CELSR1: variants seen among roughly 807,000 people sequenced by gnomAD.
CELSR1 encodes the protein cadherin EGF LAG seven-pass G-type receptor 1, also known as adhesion G protein-coupled receptor C1.
CELSR1 carries 110 observed loss-of-function variants against 249.1 expected under a neutral mutation model. The observed-to-expected ratio is 0.44, with a 90% CI of 0.38 to 0.52. CELSR1 has a LOEUF of 0.52. CELSR1 is among the 20% of genes least tolerant of loss of function. The pLI is 0.00. For synonymous variants in CELSR1, 2,113 were observed against 1,900.0 expected (o/e 1.11, Z -2.92); for missense variants, 4,109 against 4,296.4 (o/e 0.96, Z 1.22).
At chr22:46,483,450 G>A (rs949902073) in intron 1 of CELSR1, among the ~76,000 whole-genome samples, 1 of 140,702 alleles carries the variant, frequency 7.1e-6, no homozygotes, top group African/African-American at 2.7e-5. Flanking sequence ...GGAGTGCAGT[G>A]GCAGCCCACA....
chr22:46,424,452 A>G (rs1427066459), intron 5 of CELSR1, among the ~76,000 whole-genome samples: 4 of 152,162 alleles, frequency 2.6e-5, no homozygotes, highest in Non-Finnish European at 4.4e-5. Context: ...ACAATAATAC[A>G]GAGATATCCC....
In CELSR1 at chr22:46,447,957, G is replaced by A. The variant is rs1433814609; in HGVS notation, c.4184-8546C>T. ...TTAACGGCAAAAGAAAAGCTCCCAG[G>A]AGCCAAGGCCCATCCAGCCCTCATG... On this transcript the variant is annotated intron_variant, in intron 2 of 34. Coordinates refer to ENST00000674500, the MANE Select transcript of CELSR1 (RefSeq NM_001378328.1). The surrounding 1 kb of genome is among the most constrained non-coding windows in gnomAD (Gnocchi z 4.7). 6.6e-6 allele frequency among the ~76,000 whole-genome samples: 1 copy of A among 152,208 alleles called. No homozygotes were observed. The highest frequency in any genetic ancestry group is 1.9e-4 in the East Asian group (1 of 5,178).
rs1184652681 is a variant in CELSR1, at chr22:46,371,880, TCCATCCATCCAC to T, written c.7759+991_7759+1002del. On this transcript the variant is annotated intron_variant, in intron 25 of 34. Transcript: ENST00000674500. The stretch of plus-strand genomic sequence containing the variant: ...CTCACTTATCCAATCCATCCATCCA[TCCATCCATCCAC>T]CCACCTCTCCATCCCTCCATCCACC... Among the ~76,000 whole-genome samples the T allele has an allele frequency of 4.3e-5, 6 of 140,368 alleles. No homozygotes were observed. The East Asian group carries it at 9.2e-4, about 22-fold the overall frequency. The allele number at this position is 140,368 out of a possible 152,430, so 92.1% of individuals were successfully genotyped here.
chr22:46,532,428 C>G lies in CELSR1; in HGVS notation c.3544+1199G>C, dbSNP rs60536193. Among the ~76,000 whole-genome samples the G allele has an allele frequency of 7.4e-3, 1,132 of 152,368 alleles. 7 individuals carry two copies. Among genetic ancestry groups the G allele is most frequent in the African/African-American group, 0.026 (1,089 of 41,582 alleles). ...GGTTTGTATTATACCAAAACTGAAC[C>G]TGTAAGTTTCACATCTTATAAGCAA... On this transcript the variant is annotated intron_variant, in intron 1 of 34. Transcript: ENST00000674500.
At position 46,395,757 on chromosome 22, in the gene CELSR1, C is replaced by T. The variant is rs2079140886; in HGVS notation, c.5843+848G>A. Among the ~76,000 whole-genome samples, 1 of 152,172 alleles carries T rather than the reference C, an allele frequency of 6.6e-6. No individual in the cohort carries two copies. Among genetic ancestry groups the T allele is most frequent in the African/African-American group, 2.4e-5 (1 of 41,440 alleles). ...AGGACAATGAGCCACAGGGGCATCA[C>T]CTCCACGGCGGCCTGGAACCTTGGT... On this transcript the variant is annotated intron_variant, in intron 13 of 34. Coordinates refer to ENST00000674500, the MANE Select transcript of CELSR1 (RefSeq NM_001378328.1). The surrounding 1 kb of genome is among the most constrained non-coding windows in gnomAD (Gnocchi z 5.5).
At chr22:46,377,659 G>A (rs549165058) in intron 23 of CELSR1, 24 of 266,988 alleles carry the variant, frequency 9.0e-5, no homozygotes, top group South Asian at 8.8e-4. Flanking sequence ...CCCCAACCCC[G>A]CCCACATATG....
chr22:46,479,639 A>G (rs1374026574), intron 1 of CELSR1, among the ~76,000 whole-genome samples: 2 of 151,954 alleles, frequency 1.3e-5, no homozygotes, highest in African/African-American at 4.8e-5. Flanking sequence ...GGGTGGGTAG[A>G]AAATTAAACC....
Position 46,374,952 on chromosome 22 carries a change from T to G in CELSR1, c.7585-1895A>C, listed in dbSNP as rs1469010211. On this transcript the variant is annotated intron_variant, in intron 24 of 34. Transcript: ENST00000674500. The surrounding 1 kb of genome is among the most constrained non-coding windows in gnomAD (Gnocchi z 4.3). ...GGCGGGGAAGGTTGGCCCTGGCTGG[T>G]CTGACACACGCCTCGGGGCTCGTCC... Among the ~76,000 whole-genome samples the G allele has an allele frequency of 6.6e-6, 1 of 152,070 alleles. No homozygotes were observed. Among genetic ancestry groups the G allele is most frequent in the Non-Finnish European group, 1.5e-5 (1 of 67,976 alleles).
chr22:46,367,228 G>T, intron 28 of CELSR1, 110 bp from the exon 29 acceptor site: 1 of 1,403,262 alleles, frequency 7.1e-7, no homozygotes, highest in South Asian at 1.4e-5. Context: ...AACATGTCCG[G>T]CCACACGGCC....
intron 5 of CELSR1, among the ~76,000 whole-genome samples, chr22:46,421,580 G>A (rs371992627): frequency 6.7e-4 from 102 of 152,130 alleles, no homozygotes; most frequent in Middle Eastern, 3.4e-3. Flanking sequence ...TAGCAGCATC[G>A]GGGCAGCCCC....
At chr22:46,449,564 TA>T (rs2079859073) in intron 2 of CELSR1, among the ~76,000 whole-genome samples, 1 of 152,156 alleles carries the variant, frequency 6.6e-6, no homozygotes, top group African/African-American at 2.4e-5. Flanking sequence ...CTCATCCATC[TA>T]ATAAACTGCC....
rs1340890426 is a variant in CELSR1, at chr22:46,409,501, G to T, written c.5059+254C>A. 1.3e-5 allele frequency among the ~76,000 whole-genome samples: 2 copies of T among 152,172 alleles called. No individual in the cohort carries two copies. The highest frequency in any genetic ancestry group is 2.9e-5 in the Non-Finnish European group (2 of 68,026). ...TGGGCTCCGTGGCTGGGGTGCTGGGGCTGGGCTCTGCCGGCCCAGCCTACC... is the reference window on the plus strand; with the variant it reads ...TGGGCTCCGTGGCTGGGGTGCTGGGTCTGGGCTCTGCCGGCCCAGCCTACC... On this transcript the variant is annotated intron_variant, in intron 8 of 34. Transcript: ENST00000674500. The surrounding 1 kb of genome is among the most constrained non-coding windows in gnomAD (Gnocchi z 9.8).
intron 25 of CELSR1, 71 bp from the exon 26 acceptor site, chr22:46,369,875 C>A: frequency 7.4e-7 from 1 of 1,349,794 alleles, no homozygotes; most frequent in South Asian, 1.2e-5. Flanking sequence ...CAAGGACCAG[C>A]CAGGGTGGGG....
At chr22:46,529,318 G>A (rs954024682) in intron 1 of CELSR1, among the ~76,000 whole-genome samples, 1 of 151,998 alleles carries the variant, frequency 6.6e-6, no homozygotes, top group Non-Finnish European at 1.5e-5. Flanking sequence ...GATGGAACTG[G>A]AGGTCATTAT....
chr22:46,496,334 G>A (rs1255387089), intron 1 of CELSR1, among the ~76,000 whole-genome samples: 14 of 151,020 alleles, frequency 9.3e-5, no homozygotes, highest in African/African-American at 1.7e-4. Flanking sequence ...TTGGGAGGCC[G>A]AGGCAGGTGG....
Position 46,436,357 on chromosome 22 carries a change from C to A in CELSR1, c.4407-68G>T, listed in dbSNP as rs2079661044. The A allele has an allele frequency of 4.9e-6, 6 of 1,216,266 alleles. No homozygotes were observed. Among genetic ancestry groups the A allele is most frequent in the South Asian group, 1.3e-5 (1 of 79,182 alleles). The allele number at this position is 1,216,266 out of a possible 1,614,324, so 75.3% of individuals were successfully genotyped here. A position where few individuals can be genotyped will look rare whatever the true frequency, so the allele number is the denominator to read the frequency against. On this transcript the variant is annotated intron_variant, in intron 3 of 34. Coordinates refer to ENST00000674500, the MANE Select transcript of CELSR1 (RefSeq NM_001378328.1). This position sits in a 1 kb window ranked among gnomAD's most constrained non-coding sequence, Gnocchi z 5.9. ...GGGTCCAAAGGCTGCCTAGGAATGA[C>A]AAGTCCAGCCGGAGGAGGGCAAGCA...
intron 5 of CELSR1, among the ~76,000 whole-genome samples, chr22:46,420,606 C>T (rs1343171056): frequency 2.6e-5 from 4 of 151,284 alleles, no homozygotes; most frequent in Admixed American, 2.0e-4. Context: ...CATGCTTGCA[C>T]AATATACTCA....
intron 1 of CELSR1, among the ~76,000 whole-genome samples, chr22:46,525,710 G>A (rs571695895): frequency 5.3e-5 from 8 of 152,300 alleles, no homozygotes; most frequent in East Asian, 1.9e-4. Context: ...CCGTGGCACC[G>A]GGCCACAGGC....
At chr22:46,507,321 C>G (rs1435737029) in intron 1 of CELSR1, among the ~76,000 whole-genome samples, 1 of 152,194 alleles carries the variant, frequency 6.6e-6, no homozygotes, top group Non-Finnish European at 1.5e-5. Flanking sequence ...CACCACAATG[C>G]CTGCTGAAGT....
Sources: allele counts gnomAD v4.1 joint callset (sites outside exome capture counted in the v4.1 genomes callset), GRCh38; gene constraint gnomAD v4.1.1; non-coding constraint Gnocchi (gnomAD v3.1); transcripts MANE v1.5; gene names NCBI Gene and HGNC (gene_info 2026-07-23, HGNC 2026-07-21).